PIK3R4: variants seen among roughly 807,000 people sequenced by gnomAD.
PIK3R4 encodes the protein phosphoinositide 3-kinase regulatory subunit 4.
PIK3R4 carries 46 observed loss-of-function variants against 136.5 expected under a neutral mutation model. That is an observed-to-expected ratio of 0.34 (90% CI 0.27 to 0.43). The LOEUF is 0.43. Ranked by LOEUF, PIK3R4 falls within the 20% of genes least tolerant of loss-of-function variation. The pLI, the probability that PIK3R4 is intolerant of heterozygous loss-of-function variation, is 1.00. For missense variants in PIK3R4, 1,331 were observed against 1,649.5 expected (o/e 0.81, Z 3.35); for synonymous variants, 557 against 566.7 (o/e 0.98, Z 0.24).
At chr3:130,684,842 C>T (rs2066480523) in intron 15 of PIK3R4, among the ~76,000 whole-genome samples, 1 of 152,192 alleles carries the variant, frequency 6.6e-6, no homozygotes, top group Non-Finnish European at 1.5e-5. Context: ...TTTCCATTTG[C>T]CCTTCCCTCT....
At chr3:130,679,869 A>C (rs1004104410) in intron 19 of PIK3R4, among the ~76,000 whole-genome samples, 1 of 152,162 alleles carries the variant, frequency 6.6e-6, no homozygotes, top group African/African-American at 2.4e-5. Flanking sequence ...CAAGGTCAGG[A>C]GATCAAGACC....
chr3:130,718,614 A>G, intron 7 of PIK3R4, 80 bp from the exon 8 acceptor site: 1 of 1,404,244 alleles, frequency 7.1e-7, no homozygotes, highest in Non-Finnish European at 9.9e-7. Flanking sequence ...CTTATAACGT[A>G]ACTGACAAAA....
chr3:130,722,504 C>T (rs1294994876), intron 7 of PIK3R4, among the ~76,000 whole-genome samples: 1 of 151,994 alleles, frequency 6.6e-6, no homozygotes, highest in Non-Finnish European at 1.5e-5. Context: ...AAATAAAATG[C>T]TAATTACAAG....
At chr3:130,680,516 C>T (rs1473448380) in intron 19 of PIK3R4, 97 bp downstream of exon 19, 1 of 584,176 alleles carries the variant, frequency 1.7e-6, no homozygotes, top group Non-Finnish European at 3.0e-6. Flanking sequence ...ATTCAAAGTA[C>T]TCCTCGCTTG....
At chr3:130,686,445 G>A in intron 14 of PIK3R4, 23 bp from the exon 15 acceptor site, 1 of 1,424,368 alleles carries the variant, frequency 7.0e-7, no homozygotes, top group Non-Finnish European at 9.9e-7. Flanking sequence ...ACAAAGCACA[G>A]ACGTTTCCAG....
At chr3:130,733,482 A>T (rs1576463071) in intron 4 of PIK3R4, 66 bp downstream of exon 4, 4 of 992,030 alleles carry the variant, frequency 4.0e-6, no homozygotes, top group East Asian at 2.4e-5. Flanking sequence ...CAGAAAAACA[A>T]GCAGTATTAT....
chr3:130,707,684 T>C (rs1009729804), intron 10 of PIK3R4, among the ~76,000 whole-genome samples: 2 of 152,196 alleles, frequency 1.3e-5, no homozygotes, highest in Non-Finnish European at 2.9e-5. Context: ...AATCTAATGC[T>C]AGAATAGAGG....
chr3:130,722,331 T>C (rs76571036), intron 7 of PIK3R4, among the ~76,000 whole-genome samples: 1,765 of 152,268 alleles, frequency 0.012, 33 homozygotes, highest in African/African-American at 0.039. Flanking sequence ...ACATAATTTA[T>C]TTTGACACTA....
chr3:130,681,472 G>T lies in PIK3R4; in HGVS notation c.3708+19C>A. The T allele has an allele frequency of 6.9e-7, 1 of 1,441,810 alleles. No homozygotes were observed. Among genetic ancestry groups the T allele is most frequent in the Non-Finnish European group, 9.8e-7 (1 of 1,023,112 alleles). 89.3% of individuals were successfully genotyped at this position (1,441,810 alleles called of 1,614,324 possible). ...GTGGGGAATAATATCATCCTTTACA[G>T]TAAAAACTGAAGTCAAACCTGTAAT... On this transcript the variant is annotated intron_variant, in intron 17 of 19. Transcript: ENST00000356763.
intron 7 of PIK3R4, among the ~76,000 whole-genome samples, chr3:130,721,291 G>A (rs1006992398): frequency 6.6e-6 from 1 of 150,736 alleles, no homozygotes; most frequent in African/African-American, 2.4e-5. Flanking sequence ...GAGCCAAGAC[G>A]GCGCCACTGC....
chr3:130,706,993 G>A lies in PIK3R4; in HGVS notation c.2676C>T (p.Ser892=), dbSNP rs373515512. ...EVIQTGKPPR[S]ESSAGICVPL... is the part of the protein sequence containing the mutation. ...GGACACAAATGCCAGCAGAGGACTC[G>A]GAACGAGGAGGTTTCCCAGTCTGAA... is the stretch of plus-strand genomic sequence containing the variant. Residue 892 remains serine (S), a synonymous_variant, in exon 11 of 20, where the codon TCC becomes TCT. Transcript: ENST00000356763. 7.4e-6 allele frequency: 12 copies of A among 1,612,374 alleles called. No homozygotes were observed. Among genetic ancestry groups the A allele is most frequent in the African/African-American group, 1.3e-5 (1 of 74,852 alleles).
chr3:130,742,895 C>T (rs1157246846), intron 2 of PIK3R4, among the ~76,000 whole-genome samples: 2 of 152,148 alleles, frequency 1.3e-5, no homozygotes, highest in Non-Finnish European at 2.9e-5. Context: ...ATCCATAGCT[C>T]AGCTTCATGT....
At chr3:130,713,023 C>T (rs892507409) in intron 9 of PIK3R4, among the ~76,000 whole-genome samples, 2 of 152,234 alleles carry the variant, frequency 1.3e-5, no homozygotes, top group African/African-American at 4.8e-5. Flanking sequence ...AAGTTAACTA[C>T]CTTCCTTGTG....
chr3:130,746,322 G>A lies in PIK3R4; in HGVS notation c.-51C>T, dbSNP rs1400891678. ...TGAGCACACATAAACATTTACCCTA[G>A]GCCTCGGGAAAGTGTCAAAATCGTT... is the stretch of plus-strand genomic sequence containing the variant. On this transcript the variant is annotated 5_prime_UTR_variant, in exon 1 of 20. Coordinates refer to ENST00000356763, the MANE Select transcript of PIK3R4 (RefSeq NM_014602.3). 6.6e-6 allele frequency: 1 copy of A among 152,130 alleles called. No homozygotes were observed. The highest frequency in any genetic ancestry group is 2.4e-5 in the African/African-American group (1 of 41,422). 9.4% of individuals were successfully genotyped at this position (152,130 alleles called of 1,614,324 possible). A position where few individuals can be genotyped will look rare whatever the true frequency, so the allele number is the denominator to read the frequency against.
intron 16 of PIK3R4, among the ~76,000 whole-genome samples, chr3:130,682,718 T>C (rs765322221): frequency 1.4e-4 from 22 of 152,208 alleles, no homozygotes; most frequent in Non-Finnish European, 2.5e-4. Flanking sequence ...TACTGTGCTA[T>C]CTTTTTTAAT....
rs766374049 is a variant in PIK3R4, at chr3:130,690,527, G to A, written c.3226C>T (p.Leu1076=). 1.2e-6 allele frequency: 2 copies of A among 1,613,564 alleles called. No homozygotes were observed. The highest frequency in any genetic ancestry group is 4.5e-5 in the East Asian group (2 of 44,872). The part of the protein sequence containing the change: ...VQLLGIEASK[L]PKSPKIHPLQ... ...GGATGGATTTTAGGAGACTTGGGCA[G>A]CTTAGAAGCCTCAATTCCAAGAAGC... Residue 1076 remains leucine (L), a synonymous_variant, in exon 14 of 20, where the codon CTG becomes TTG. Coordinates refer to ENST00000356763, the MANE Select transcript of PIK3R4 (RefSeq NM_014602.3).
At chr3:130,718,640 G>A in intron 7 of PIK3R4, 106 bp from the exon 8 acceptor site, 2 of 1,032,786 alleles carry the variant, frequency 1.9e-6, no homozygotes, top group East Asian at 2.6e-5. Flanking sequence ...TTGCCACAGT[G>A]TTACTATCAG....
chr3:130,697,787 T>C (rs191959535), intron 13 of PIK3R4, among the ~76,000 whole-genome samples: 2 of 152,340 alleles, frequency 1.3e-5, no homozygotes, highest in Admixed American at 1.3e-4. Context: ...AAATAATTTG[T>C]ACTTTTATAT....
chr3:130,690,726 T>G, intron 13 of PIK3R4, 72 bp from the exon 14 acceptor site: 304 of 800,462 alleles, frequency 3.8e-4, no homozygotes, highest in Non-Finnish European at 5.5e-4. Context: ...ACATGGCCAT[T>G]AGCAAGCAAA....
Sources: gnomAD v4.1 joint callset for allele counts (sites outside exome capture counted in the v4.1 genomes callset) on GRCh38, gnomAD v4.1.1 for gene constraint, MANE v1.5 for transcripts, NCBI Gene and HGNC (gene_info 2026-07-23, HGNC 2026-07-21) for gene names.